Variants in GADL1 observed in about 807,000 individuals in gnomAD.
GADL1 encodes the protein GAD like acidic amino acid decarboxylase 1.
GADL1 carries 71 observed loss-of-function variants against 69.5 expected under a neutral mutation model. That is an observed-to-expected ratio of 1.02 (90% CI 0.84 to 1.25). The LOEUF is 1.25. Ranked by LOEUF, GADL1 falls within the 50% of genes most tolerant of loss-of-function variation. The pLI, the probability that GADL1 is intolerant of heterozygous loss-of-function variation, is 0.00. For missense variants in GADL1, 737 were observed against 631.8 expected (o/e 1.17, Z -1.79); for synonymous variants, 254 against 214.4 (o/e 1.18, Z -1.62).
chr3:30,728,061 G>C lies in GADL1; in HGVS notation c.*181C>G. ...ACTTTCTTCTTTTAGCAACAGTAATGCCCAGGCAGCTAGAGAGTCCTTAAT... is the reference window on the plus strand; with the variant it reads ...ACTTTCTTCTTTTAGCAACAGTAATCCCCAGGCAGCTAGAGAGTCCTTAAT... On this transcript the variant is annotated 3_prime_UTR_variant, in exon 15 of 15. Transcript: ENST00000282538. 1 of 503,676 alleles carries C rather than the reference G, an allele frequency of 2.0e-6. No individual in the cohort carries two copies. The highest frequency in any genetic ancestry group is 3.5e-6 in the Non-Finnish European group (1 of 282,866). The allele number at this position is 503,676 out of a possible 1,614,324, so 31.2% of individuals were successfully genotyped here.
chr3:30,796,836 A>AT (rs770363487), intron 12 of GADL1, among the ~76,000 whole-genome samples: 20 of 152,308 alleles, frequency 1.3e-4, no homozygotes, highest in Admixed American at 3.9e-4. Context: ...GAGAGTCCTC[A>AT]TATAGTATTC....
intron 6 of GADL1, among the ~76,000 whole-genome samples, chr3:30,848,909 C>T (rs921694111): frequency 6.6e-6 from 1 of 152,136 alleles, no homozygotes; most frequent in African/African-American, 2.4e-5. Flanking sequence ...TATTCAAATC[C>T]TTTGCCTGGT....
At chr3:30,816,519 T>TAATA (rs1023189712) in intron 11 of GADL1, among the ~76,000 whole-genome samples, 2 of 143,490 alleles carry the variant, frequency 1.4e-5, no homozygotes, top group African/African-American at 5.1e-5. Context: ...CATATATTCT[T>TAATA]AATTTGTTTT....
At chr3:30,809,321 A>C (rs1697313110) in intron 11 of GADL1, among the ~76,000 whole-genome samples, 1 of 152,148 alleles carries the variant, frequency 6.6e-6, no homozygotes. Flanking sequence ...GTTTGCATAC[A>C]GCTTGGAGAG....
chr3:30,847,291 G>T (rs1698074760), intron 6 of GADL1, among the ~76,000 whole-genome samples: 1 of 152,152 alleles, frequency 6.6e-6, no homozygotes, highest in East Asian at 2.0e-4. Context: ...CCTAACACAT[G>T]CAAAAACACC....
rs75192134 is a variant in GADL1, at chr3:30,874,743, T to A, written c.38-12978A>T. ...ATGCCATGTTTTTGTAGGTCCTTTG[T>A]AAACAGCAGCACATTTATACAAAAC... On this transcript the variant is annotated intron_variant, in intron 1 of 14. Transcript: ENST00000282538. Among the ~76,000 whole-genome samples the A allele has an allele frequency of 0.015, 2,323 of 152,040 alleles. 101 individuals carry two copies. In the East Asian group the frequency reaches 0.16, roughly 11 times the overall value.
chr3:30,764,004 TAAAC>T lies in GADL1; in HGVS notation c.1392+14171_1392+14174del, dbSNP rs530305879. On this transcript the variant is annotated intron_variant, in intron 14 of 14. Transcript: ENST00000282538. ...AATAAAATACATAAAATATTTCTAC[TAAAC>T]AAACCTCAAATCTCTAAATGAGGAT... Among the ~76,000 whole-genome samples the T allele has an allele frequency of 2.3e-3, 347 of 152,292 alleles. 2 individuals are homozygous for T. Among genetic ancestry groups the T allele is most frequent in the African/African-American group, 7.8e-3 (323 of 41,582 alleles).
chr3:30,748,249 T>C (rs1281649210), intron 14 of GADL1, among the ~76,000 whole-genome samples: 1 of 152,208 alleles, frequency 6.6e-6, no homozygotes, highest in African/African-American at 2.4e-5. Context: ...CATCAACTCC[T>C]GGTTCGATTC....
At chr3:30,786,206 A>C in intron 13 of GADL1, 149 bp downstream of exon 13, 1 of 653,336 alleles carries the variant, frequency 1.5e-6, no homozygotes, top group Non-Finnish European at 2.7e-6. Context: ...CTAATAGAGT[A>C]AATTAACATA....
chr3:30,730,125 G>A (rs893181972), intron 14 of GADL1, among the ~76,000 whole-genome samples: 1 of 152,088 alleles, frequency 6.6e-6, no homozygotes, highest in Non-Finnish European at 1.5e-5. Context: ...TGAAAAGAGT[G>A]GCAAATGTCC....
chr3:30,739,529 A>C lies in GADL1; in HGVS notation c.1393-11114T>G, dbSNP rs115662812. Among the ~76,000 whole-genome samples, 908 of 152,310 alleles carry C rather than the reference A, an allele frequency of 6.0e-3. 11 individuals are homozygous for C. The highest frequency in any genetic ancestry group is 0.021 in the African/African-American group (862 of 41,560). On this transcript the variant is annotated intron_variant, in intron 14 of 14. Transcript: ENST00000282538. ...AGTTGTTCATTATCCATACAAAGTT[A>C]GTTGCACACCACAGGATGTGTTCTC...
intron 4 of GADL1, among the ~76,000 whole-genome samples, chr3:30,853,827 C>T (rs1388695479): frequency 2.0e-5 from 3 of 152,160 alleles, no homozygotes; most frequent in Admixed American, 6.5e-5. Context: ...TCCTCTCTCA[C>T]CCGACTAAAG....
intron 1 of GADL1, among the ~76,000 whole-genome samples, chr3:30,866,524 C>T (rs1575240910): frequency 6.6e-6 from 1 of 151,946 alleles, no homozygotes; most frequent in Admixed American, 6.6e-5. Flanking sequence ...TAAACTGTGA[C>T]AATAGAAAGG....
rs59463587 is a variant in GADL1, at chr3:30,832,850, A to G, written c.1050+1003T>C. ...TATCCAACCTAATAAAACATTAAGG[A>G]ACTGATTCATATTTCTGGTAGTGTC... On this transcript the variant is annotated intron_variant, in intron 11 of 14. Transcript: ENST00000282538. Among the ~76,000 whole-genome samples, 509 of 152,198 alleles carry G rather than the reference A, an allele frequency of 3.3e-3. 2 individuals are homozygous for G. Among genetic ancestry groups the G allele is most frequent in the African/African-American group, 0.011 (473 of 41,550 alleles).
intron 12 of GADL1, among the ~76,000 whole-genome samples, chr3:30,795,316 CTG>C (rs796690390): frequency 1.7e-4 from 26 of 152,200 alleles, no homozygotes; most frequent in African/African-American, 6.3e-4. Flanking sequence ...GGTTAGAAGA[CTG>C]AAAGAGTTAC....
chr3:30,816,952 C>CT, intron 11 of GADL1, among the ~76,000 whole-genome samples: 1 of 152,224 alleles, frequency 6.6e-6, no homozygotes, highest in South Asian at 2.1e-4. Context: ...TATCCAATCA[C>CT]TTATATAGTC....
intron 14 of GADL1, among the ~76,000 whole-genome samples, chr3:30,764,659 C>T (rs1387333689): frequency 6.6e-6 from 1 of 152,122 alleles, no homozygotes; most frequent in African/African-American, 2.4e-5. Context: ...AGGCAAGTTC[C>T]CATGTGAATT....
intron 13 of GADL1, among the ~76,000 whole-genome samples, chr3:30,781,669 T>G (rs192932728): frequency 7.2e-5 from 11 of 152,312 alleles, no homozygotes; most frequent in Admixed American, 5.2e-4. Context: ...CTTCATCAGA[T>G]CTTTGGGATG....
intron 6 of GADL1, 145 bp from the exon 7 acceptor site, chr3:30,844,611 C>T: frequency 1.6e-6 from 1 of 635,458 alleles, no homozygotes; most frequent in South Asian, 1.9e-5. Flanking sequence ...AATTGAGCTC[C>T]TTAGCATAGT....
Sources: allele counts gnomAD v4.1 joint callset (sites outside exome capture counted in the v4.1 genomes callset), GRCh38; gene constraint gnomAD v4.1.1; transcripts MANE v1.5; gene names NCBI Gene and HGNC (gene_info 2026-07-23, HGNC 2026-07-21).